Variants in GAB2 observed in about 807,000 individuals in gnomAD.
The protein encoded by GAB2 is GRB2-associated-binding protein 2.
GAB2 carries 26 observed loss-of-function variants against 65.5 expected under a neutral mutation model. The ratio of observed to expected loss-of-function variants is 0.40; its 90% CI spans 0.29 to 0.55. The LOEUF is 0.55. Among genes scored for constraint, GAB2 ranks in the 20% least tolerant of loss-of-function variants. The pLI is 0.53. For synonymous variants in GAB2, 321 were observed against 329.6 expected (o/e 0.97, Z 0.28); for missense variants, 884 against 875.8 (o/e 1.01, Z -0.12).
intron 1 of GAB2, among the ~76,000 whole-genome samples, chr11:78,385,416 T>G (rs748216503): frequency 2.0e-5 from 3 of 152,212 alleles, no homozygotes; most frequent in Non-Finnish European, 4.4e-5. Flanking sequence ...GAGGTTTAGA[T>G]GGAGTTCAGG....
chr11:78,265,918 G>T (rs1425247927), intron 2 of GAB2, among the ~76,000 whole-genome samples: 1 of 152,012 alleles, frequency 6.6e-6, no homozygotes, highest in Non-Finnish European at 1.5e-5. Flanking sequence ...ACCAAACACT[G>T]TAACTAAAAC....
At chr11:78,270,777 G>A (rs1325747217) in intron 2 of GAB2, among the ~76,000 whole-genome samples, 2 of 152,316 alleles carry the variant, frequency 1.3e-5, no homozygotes, top group Middle Eastern at 3.4e-3. Flanking sequence ...AGGAAAAAGT[G>A]AAGTGAGCAG....
rs565563178 is a variant in GAB2 at position 78,343,539 on chromosome 11, T to G, written c.76-62638A>C. Among the ~76,000 whole-genome samples, 22 of 152,288 alleles carry G rather than the reference T, an allele frequency of 1.4e-4. No individual in the cohort carries two copies. In the East Asian group the frequency reaches 4.2e-3, roughly 29 times the overall value. On this transcript the variant is annotated intron_variant, in intron 1 of 9. Coordinates refer to ENST00000361507, the MANE Select transcript of GAB2 (RefSeq NM_080491.3). ...AAATAGATGGGATTATATTGGTAAATGTACATTATTGTAGACATACTACAA... is the reference window on the plus strand; with the variant it reads ...AAATAGATGGGATTATATTGGTAAAGGTACATTATTGTAGACATACTACAA...
At chr11:78,220,640 G>A (rs146337483) in intron 8 of GAB2, among the ~76,000 whole-genome samples, 196 bp from the exon 9 acceptor site, 1 of 152,254 alleles carries the variant, frequency 6.6e-6, no homozygotes, top group East Asian at 1.9e-4. Context: ...TGTTGATACT[G>A]TTTAAAGCAA....
At chr11:78,280,204 T>G (rs116207200) in intron 2 of GAB2, among the ~76,000 whole-genome samples, 2,034 of 152,184 alleles carry the variant, frequency 0.013, 54 homozygotes, top group African/African-American at 0.046. Flanking sequence ...TGGCCTGAAA[T>G]GGGCTAGGAC....
chr11:78,336,757 T>C (rs1382938667), intron 1 of GAB2, among the ~76,000 whole-genome samples: 1 of 152,036 alleles, frequency 6.6e-6, no homozygotes, highest in Non-Finnish European at 1.5e-5. Context: ...CATCAAACAG[T>C]GAAAAATGAA....
At chr11:78,304,191 C>T (rs978783437) in intron 1 of GAB2, among the ~76,000 whole-genome samples, 19 of 151,978 alleles carry the variant, frequency 1.3e-4, no homozygotes, top group Admixed American at 2.6e-4. Context: ...TCCTATTATG[C>T]TTTTATTTTT....
intron 2 of GAB2, among the ~76,000 whole-genome samples, chr11:78,264,737 G>A (rs1257236524): frequency 2.0e-5 from 3 of 152,072 alleles, no homozygotes; most frequent in Non-Finnish European, 2.9e-5. Flanking sequence ...GTACCACAAC[G>A]ACAAGTGTAA....
chr11:78,234,959 G>A (rs1189049696), intron 3 of GAB2, among the ~76,000 whole-genome samples: 1 of 151,896 alleles, frequency 6.6e-6, no homozygotes, highest in Non-Finnish European at 1.5e-5. Context: ...GCAATGAGCT[G>A]AGATCATGCC....
chr11:78,381,474 T>C (rs147526880), intron 1 of GAB2, among the ~76,000 whole-genome samples: 1,891 of 152,274 alleles, frequency 0.012, 17 homozygotes, highest in Middle Eastern at 0.031. Flanking sequence ...AGTAAGAACT[T>C]AGACCTCCTC....
At chr11:78,227,162 G>A in intron 3 of GAB2, 111 bp from the exon 4 acceptor site, 2 of 689,180 alleles carry the variant, frequency 2.9e-6, no homozygotes, top group Non-Finnish European at 5.1e-6. Flanking sequence ...CTGTAAAATG[G>A]TGACTAAAAG....
Position 78,345,612 on chromosome 11 carries a change from AGAATAGTCAAG to A in GAB2, c.76-64722_76-64712del, listed in dbSNP as rs1426472374. On this transcript the variant is annotated intron_variant, in intron 1 of 9. Coordinates refer to ENST00000361507, the MANE Select transcript of GAB2 (RefSeq NM_080491.3). Reference sequence around the variant, plus strand: ...TGGTCTCAGCACCATTAAACTGTGCAGAATAGTCAAGGGAGAGGCTTCTTAGAAGAACTACG... The same window carrying A: ...TGGTCTCAGCACCATTAAACTGTGCAGGAGAGGCTTCTTAGAAGAACTACG... Among the ~76,000 whole-genome samples, 4 of 152,344 alleles carry A rather than the reference AGAATAGTCAAG, an allele frequency of 2.6e-5. No individual in the cohort carries two copies. In the East Asian group the frequency reaches 7.7e-4, roughly 29 times the overall value.
intron 3 of GAB2, among the ~76,000 whole-genome samples, chr11:78,244,663 T>TATAAA (rs767750454): frequency 1.3e-5 from 1 of 74,772 alleles, no homozygotes; most frequent in East Asian, 5.2e-4. Flanking sequence ...ACATTCATAG[T>TATAAA]AAAAAAAAAA....
chr11:78,284,091 A>G (rs770042501), intron 1 of GAB2, among the ~76,000 whole-genome samples: 1 of 152,078 alleles, frequency 6.6e-6, no homozygotes, highest in African/African-American at 2.4e-5. Context: ...ACTCTCTCCC[A>G]TCTCATTTAC....
chr11:78,377,881 G>A (rs1856651540), intron 1 of GAB2, among the ~76,000 whole-genome samples: 1 of 152,146 alleles, frequency 6.6e-6, no homozygotes, highest in African/African-American at 2.4e-5. Context: ...CAAAAAGCAA[G>A]TACTGAATAA....
At chr11:78,230,171 T>C (rs115978731) in intron 3 of GAB2, among the ~76,000 whole-genome samples, 1,725 of 152,380 alleles carry the variant, frequency 0.011, 30 homozygotes, top group African/African-American at 0.032. Flanking sequence ...AACAAACGTA[T>C]GTTGCTGCTA....
chr11:78,414,528 T>A (rs1591099361), intron 1 of GAB2, among the ~76,000 whole-genome samples: 1 of 152,156 alleles, frequency 6.6e-6, no homozygotes, highest in African/African-American at 2.4e-5. Flanking sequence ...TCAAGAAAAT[T>A]CTGTTTAATA....
At chr11:78,227,197 C>G (rs927021217) in intron 3 of GAB2, 146 bp from the exon 4 acceptor site, 2 of 632,384 alleles carry the variant, frequency 3.2e-6, no homozygotes, top group Admixed American at 2.7e-5. Context: ...TGTTCAGACT[C>G]TAGTATATGA....
intron 1 of GAB2, among the ~76,000 whole-genome samples, chr11:78,350,936 G>A (rs1411408795): frequency 6.6e-6 from 1 of 152,208 alleles, no homozygotes; most frequent in East Asian, 1.9e-4. Flanking sequence ...CACACAACCC[G>A]ACAGGGGAAC....
Sources: gnomAD v4.1 joint callset for allele counts (sites outside exome capture counted in the v4.1 genomes callset) on GRCh38, gnomAD v4.1.1 for gene constraint, MANE v1.5 for transcripts, NCBI Gene and HGNC (gene_info 2026-07-23, HGNC 2026-07-21) for gene names.